LHFPL6: variants seen among roughly 807,000 people sequenced by gnomAD.
LHFPL6 encodes the protein LHFPL tetraspan subfamily member 6.
In LHFPL6, 9 loss-of-function variants were observed where a neutral mutation model predicts 20.6. That is an observed-to-expected ratio of 0.44 (90% CI 0.26 to 0.76). LHFPL6 has a LOEUF of 0.76. Ranked by LOEUF, LHFPL6 falls within the 30% of genes least tolerant of loss-of-function variation. The pLI is 0.20. For synonymous variants in LHFPL6, 105 were observed against 98.7 expected, an observed-to-expected ratio of 1.06 and a Z score of -0.38; for missense variants, 218 against 253.5, an observed-to-expected ratio of 0.86 and a Z score of 0.95.
chr13:39,579,548 T>C (rs1375312023), intron 2 of LHFPL6, among the ~76,000 whole-genome samples: 1 of 152,204 alleles, frequency 6.6e-6, no homozygotes, highest in African/African-American at 2.4e-5. Flanking sequence ...CATTCTTCTG[T>C]CCCATTTCTG....
At position 39,369,109 on chromosome 13, in the gene LHFPL6, A is replaced by T. The variant is rs879120966; in HGVS notation, c.484+9319T>A. Among the ~76,000 whole-genome samples, 208 of 143,446 alleles carry T rather than the reference A, an allele frequency of 1.5e-3. 1 individual carries two copies. The highest frequency in any genetic ancestry group is 1.7e-3 in the Non-Finnish European group (112 of 66,434). The allele number at this position is 143,446 out of a possible 152,430, so 94.1% of individuals were successfully genotyped here. A position where few individuals can be genotyped will look rare whatever the true frequency, so the allele number is the denominator to read the frequency against. On this transcript the variant is annotated intron_variant, in intron 3 of 3. Transcript: ENST00000379589. Reference sequence around the variant, plus strand: ...TAAACTAATAAAAGGACAACACTGAAAAAAAAAAAAAAAGAAGAATCTTTA... The same window carrying T: ...TAAACTAATAAAAGGACAACACTGATAAAAAAAAAAAAAGAAGAATCTTTA...
At chr13:39,573,129 T>C (rs1235048988) in intron 2 of LHFPL6, among the ~76,000 whole-genome samples, 1 of 152,172 alleles carries the variant, frequency 6.6e-6, no homozygotes, top group Non-Finnish European at 1.5e-5. Context: ...ATGTATGGTA[T>C]AGGACTCCAG....
intron 2 of LHFPL6, among the ~76,000 whole-genome samples, chr13:39,499,064 T>C (rs575104195): frequency 2.0e-4 from 30 of 152,246 alleles, no homozygotes; most frequent in African/African-American, 6.7e-4. Flanking sequence ...GGTTTTGCCA[T>C]GTTGACCAGG....
chr13:39,405,358 A>G, intron 2 of LHFPL6, among the ~76,000 whole-genome samples: 1 of 152,224 alleles, frequency 6.6e-6, no homozygotes, highest in East Asian at 1.9e-4. Context: ...ATTCACTCAT[A>G]AAATGTGAAA....
intron 2 of LHFPL6, among the ~76,000 whole-genome samples, chr13:39,553,787 C>T (rs1439415014): frequency 6.6e-6 from 1 of 152,198 alleles, no homozygotes; most frequent in East Asian, 1.9e-4. Flanking sequence ...ACAAACTTTA[C>T]CTAGCCTGCT....
intron 2 of LHFPL6, among the ~76,000 whole-genome samples, chr13:39,459,806 C>T (rs1872650089): frequency 6.6e-6 from 1 of 152,122 alleles, no homozygotes; most frequent in African/African-American, 2.4e-5. Flanking sequence ...GTGGCAACAA[C>T]AAAAACTCCA....
chr13:39,502,105 A>G (rs909102378), intron 2 of LHFPL6, among the ~76,000 whole-genome samples: 41 of 152,338 alleles, frequency 2.7e-4, no homozygotes, highest in African/African-American at 9.6e-4. Flanking sequence ...CCCAGGCCCT[A>G]CATGGCTCCC....
intron 2 of LHFPL6, among the ~76,000 whole-genome samples, chr13:39,399,891 C>T (rs894957863): frequency 1.3e-5 from 2 of 152,090 alleles, no homozygotes; most frequent in Admixed American, 6.5e-5. Context: ...GTTGGGAGTT[C>T]GAGGCCAGCC....
At chr13:39,508,181 C>T (rs1295372553) in intron 2 of LHFPL6, among the ~76,000 whole-genome samples, 5 of 151,904 alleles carry the variant, frequency 3.3e-5, no homozygotes, top group South Asian at 2.1e-4. Flanking sequence ...TGCACAACCA[C>T]GCCTGGCTAA....
chr13:39,526,681 C>A (rs3812881), intron 2 of LHFPL6, among the ~76,000 whole-genome samples: 2 of 152,160 alleles, frequency 1.3e-5, no homozygotes, highest in Admixed American at 1.3e-4. Flanking sequence ...ACAGCATCTC[C>A]TGAAGTCAAA....
chr13:39,516,218 C>A (rs1869909104), intron 2 of LHFPL6, among the ~76,000 whole-genome samples: 1 of 152,196 alleles, frequency 6.6e-6, no homozygotes, highest in Non-Finnish European at 1.5e-5. Context: ...CTTCCAGTAG[C>A]CTCTAGGAAA....
At chr13:39,575,040 T>C (rs1450723881) in intron 2 of LHFPL6, among the ~76,000 whole-genome samples, 1 of 151,972 alleles carries the variant, frequency 6.6e-6, no homozygotes, top group East Asian at 1.9e-4. Context: ...TACTGCACTT[T>C]GGCCTCGCGA....
intron 2 of LHFPL6, among the ~76,000 whole-genome samples, chr13:39,456,947 C>T (rs1379548882): frequency 6.6e-6 from 1 of 152,050 alleles, no homozygotes; most frequent in African/African-American, 2.4e-5. Flanking sequence ...CAGGCATGAG[C>T]CACCACGCCC....
chr13:39,458,694 A>T, intron 2 of LHFPL6, among the ~76,000 whole-genome samples: 1 of 102,984 alleles, frequency 9.7e-6, no homozygotes, highest in African/African-American at 6.0e-5. Flanking sequence ...TACCCTGCCT[A>T]AAAAAAAAAA....
At chr13:39,388,801 G>GT (rs1456975823) in intron 2 of LHFPL6, among the ~76,000 whole-genome samples, 1 of 152,202 alleles carries the variant, frequency 6.6e-6, no homozygotes, top group African/African-American at 2.4e-5. Context: ...GCATCATGAA[G>GT]TAGAATGCCA....
At chr13:39,495,603 CT>C (rs57730616) in intron 2 of LHFPL6, among the ~76,000 whole-genome samples, 45,917 of 141,764 alleles carry the variant, frequency 0.32, 7,280 homozygotes, top group Middle Eastern at 0.43. Context: ...CCATACTAGG[CT>C]TTTTTTTTTT....
chr13:39,564,003 G>A (rs1276898884), intron 2 of LHFPL6, among the ~76,000 whole-genome samples: 1 of 152,146 alleles, frequency 6.6e-6, no homozygotes, highest in Non-Finnish European at 1.5e-5. Context: ...CCCGTATCAC[G>A]TTGAGCCCAT....
chr13:39,397,833 A>C (rs990719457), intron 2 of LHFPL6, among the ~76,000 whole-genome samples: 1 of 152,200 alleles, frequency 6.6e-6, no homozygotes, highest in Non-Finnish European at 1.5e-5. Context: ...AGAAAGGCCC[A>C]ATCTATTCTG....
intron 3 of LHFPL6, among the ~76,000 whole-genome samples, chr13:39,349,074 T>A (rs770199866): frequency 1.3e-5 from 2 of 152,108 alleles, no homozygotes; most frequent in Non-Finnish European, 2.9e-5. Context: ...TTTACAAAAT[T>A]TGGGATTAAA....
Sources: gnomAD v4.1 joint callset for allele counts (sites outside exome capture counted in the v4.1 genomes callset) on GRCh38, gnomAD v4.1.1 for gene constraint, MANE v1.5 for transcripts, NCBI Gene and HGNC (gene_info 2026-07-23, HGNC 2026-07-21) for gene names.